Variants in MUC17 observed in about 807,000 individuals in gnomAD.
MUC17 encodes mucin-17.
In MUC17, 190 loss-of-function variants were observed where a neutral mutation model predicts 170.3. The ratio of observed to expected loss-of-function variants is 1.12; its 90% confidence interval spans 0.99 to 1.26. MUC17 has a LOEUF of 1.26. Among genes scored for constraint, MUC17 ranks in the 50% most tolerant of loss-of-function variants. The pLI, the probability that MUC17 is intolerant of heterozygous loss-of-function variation, is 0.00. For synonymous variants in MUC17, 2,325 were observed against 2,002.5 expected, an observed-to-expected ratio of 1.16 and a Z score of -4.30; for missense variants, 6,415 against 5,530.0, an observed-to-expected ratio of 1.16 and a Z score of -5.08.
In MUC17 at chr7:101,038,401, C is replaced by G; in HGVS notation, c.6985C>G (p.Pro2329Ala). The part of the protein sequence containing the change: ...PPPTAEGTSM[P>A]TSTSSEGNTP... ...TCCCACTGCTGAAGGTACCAGCATG[C>G]CAACCTCAACTTCTAGTGAAGGAAA... The change falls in exon 3 of 13, where the codon CCA (proline) becomes GCA (alanine). Residue 2329 changes from proline to alanine, a missense_variant. Physicochemically the swap from Pro to Ala is conservative, Grantham distance 27 (BLOSUM62 -1). Coordinates refer to ENST00000306151, the MANE Select transcript of MUC17 (RefSeq NM_001040105.2). The G allele has an allele frequency of 1.2e-6, 2 of 1,614,076 alleles. No homozygotes were observed. The highest frequency in any genetic ancestry group is 1.7e-6 in the Non-Finnish European group (2 of 1,180,018).
intron 11 of MUC17, 62 bp downstream of exon 11, chr7:101,053,498 G>A: frequency 7.5e-7 from 1 of 1,333,050 alleles, no homozygotes; most frequent in Non-Finnish European, 1.1e-6. Context: ...TGGGTGCGGT[G>A]GGCTCACATC....
intron 3 of MUC17, among the ~76,000 whole-genome samples, chr7:101,045,017 C>CA (rs1253668246): frequency 5.3e-5 from 8 of 152,288 alleles, no homozygotes; most frequent in African/African-American, 1.7e-4. Flanking sequence ...CAAGAACTTT[C>CA]ACTCAGCCTT....
rs760437174 is a variant in MUC17, at chr7:101,040,788, C to A, written c.9372C>A (p.Thr3124=). The change falls in exon 3 of 13, where the codon ACC becomes ACA. Residue 3124 remains threonine (T), a synonymous_variant. Coordinates refer to ENST00000306151, the MANE Select transcript of MUC17 (RefSeq NM_001040105.2). ...TTPVTSSAIS[T]LSTTPVDTST... ...CGGTGACCAGTTCTGCAATCAGCAC[C>A]CTTTCAACAACTCCTGTTGACACCA... 4 of 1,613,198 alleles carry A rather than the reference C, an allele frequency of 2.5e-6. No homozygotes were observed. The highest frequency in any genetic ancestry group is 3.4e-6 in the Non-Finnish European group (4 of 1,179,644).
At position 101,042,856 on chromosome 7, in the gene MUC17, A is replaced by T; in HGVS notation, c.11440A>T (p.Thr3814Ser). 1 of 1,614,128 alleles carries T rather than the reference A, an allele frequency of 6.2e-7. No individual in the cohort carries two copies. The change falls in exon 3 of 13, where the codon ACT becomes TCT. Residue 3814 changes from threonine to serine, a missense_variant. Physicochemically the swap from Thr to Ser is moderately conservative, Grantham distance 58 (BLOSUM62 1). Coordinates refer to ENST00000306151, the MANE Select transcript of MUC17 (RefSeq NM_001040105.2). ...TATGTCAACTACGAGTGAAAGAAGCACTTTATTGACAACTGTCCTCATCAG... is the reference window on the plus strand; with the variant it reads ...TATGTCAACTACGAGTGAAAGAAGCTCTTTATTGACAACTGTCCTCATCAG... ...MPMSTTSERS[T>S]LLTTVLISPI... is the part of the protein sequence containing the mutation.
rs750634422 is a variant in MUC17, at chr7:101,032,010, T to C, written c.594T>C (p.Pro198=). The part of the protein sequence containing the change: ...LTTSTQASSS[P]TTPESTTIPK... Reference sequence around the variant, plus strand: ...CTTCTACTCAGGCAAGTTCATCTCCTACTACTCCTGAAAGCACCACCATAC... The same window carrying C: ...CTTCTACTCAGGCAAGTTCATCTCCCACTACTCCTGAAAGCACCACCATAC... The change falls in exon 3 of 13, where the codon CCT becomes CCC. Residue 198 remains proline (P), a synonymous_variant. Transcript: ENST00000306151. The C allele has an allele frequency of 3.1e-6, 5 of 1,614,232 alleles. No homozygotes were observed. In the South Asian group the frequency reaches 5.5e-5, roughly 18 times the overall value.
rs1365778570 is a variant in MUC17, at chr7:101,038,750, G to C, written c.7334G>C (p.Ser2445Thr). 6 of 1,609,292 alleles carry C rather than the reference G, an allele frequency of 3.7e-6. No individual in the cohort carries two copies. The highest frequency in any genetic ancestry group is 2.2e-5 in the East Asian group (1 of 44,742). Residue 2445 changes from serine (S) to threonine (T), a missense_variant, in exon 3 of 13, where the codon AGC (serine) becomes ACC (threonine). By Grantham distance (58) the Ser-to-Thr change is moderately conservative. Transcript: ENST00000306151. ...SSSPTTAEGT[S>T]IPTSPPSEGT... ...TCTCCTACAACTGCTGAAGGTACCA[G>C]CATACCAACCTCACCTCCTAGTGAA...
Position 101,040,496 on chromosome 7 carries a change from C to G in MUC17, c.9080C>G (p.Ser3027Cys), listed in dbSNP as rs753156933. The change falls in exon 3 of 13, where the codon TCT becomes TGT. Residue 3027 changes from serine to cysteine, a missense_variant. By Grantham distance (112) the Ser-to-Cys change is moderately radical (BLOSUM62 -1). Coordinates refer to ENST00000306151, the MANE Select transcript of MUC17 (RefSeq NM_001040105.2). ...PVTTSTEASS[S>C]PTTAEGTGIP... ...ACCACTTCTACTGAAGCCAGTTCCT[C>G]TCCTACAACTGCTGAAGGTACCGGC... 1 of 1,611,956 alleles carries G rather than the reference C, an allele frequency of 6.2e-7. No homozygotes were observed. The highest frequency in any genetic ancestry group is 2.2e-5 in the East Asian group (1 of 44,748).
Position 101,040,641 on chromosome 7 carries a change from T to C in MUC17, c.9225T>C (p.Ser3075=). 3.1e-6 allele frequency: 5 copies of C among 1,608,972 alleles called. No homozygotes were observed. The highest frequency in any genetic ancestry group is 4.2e-6 in the Non-Finnish European group (5 of 1,178,074). Residue 3075 remains serine (S), a synonymous_variant, in exon 3 of 13, where the codon AGT becomes AGC. Coordinates refer to ENST00000306151, the MANE Select transcript of MUC17 (RefSeq NM_001040105.2). ...TLSTTPVDSN[S]PVVTSTEVSS... is the part of the protein sequence containing the mutation. Reference sequence around the variant, plus strand: ...CAACAACTCCTGTTGACTCCAACAGTCCTGTGGTCACTTCTACTGAAGTCA... The same window carrying C: ...CAACAACTCCTGTTGACTCCAACAGCCCTGTGGTCACTTCTACTGAAGTCA...
In MUC17 at chr7:101,037,607, T is replaced by C. The variant is rs1158172048; in HGVS notation, c.6191T>C (p.Leu2064Pro). 2 of 1,613,976 alleles carry C rather than the reference T, an allele frequency of 1.2e-6. No individual in the cohort carries two copies. Among genetic ancestry groups the C allele is most frequent in the East Asian group, 4.5e-5 (2 of 44,862 alleles). ...TLVVSSEGNT[L>P]STTPVDSKTQ... ...GTGGTCAGTTCTGAGGGTAACACCC[T>C]TTCAACAACTCCTGTTGACTCCAAA... The change falls in exon 3 of 13, where the codon CTT becomes CCT. Residue 2064 changes from leucine (L) to proline (P), a missense_variant. Leu to Pro is a moderately conservative substitution (Grantham distance 98). Coordinates refer to ENST00000306151, the MANE Select transcript of MUC17 (RefSeq NM_001040105.2).
chr7:101,020,477 C>T lies in MUC17; in HGVS notation c.82+260C>T, dbSNP rs140850233. Among the ~76,000 whole-genome samples, 661 of 152,160 alleles carry T rather than the reference C, an allele frequency of 4.3e-3. 4 individuals are homozygous for T. Among genetic ancestry groups the T allele is most frequent in the African/African-American group, 0.015 (636 of 41,506 alleles). On this transcript the variant is annotated intron_variant, in intron 1 of 12. Coordinates refer to ENST00000306151, the MANE Select transcript of MUC17 (RefSeq NM_001040105.2). ...CCCTTCCGAGCCTCAGTCTCCCCTCCGGAAAGTAAGAATAATAACACCTGC... is the reference window on the plus strand; with the variant it reads ...CCCTTCCGAGCCTCAGTCTCCCCTCTGGAAAGTAAGAATAATAACACCTGC...
In MUC17 at chr7:101,042,721, C is replaced by T. The variant is rs1459023224; in HGVS notation, c.11305C>T (p.Pro3769Ser). The T allele has an allele frequency of 6.2e-7, 1 of 1,613,814 alleles. No individual in the cohort carries two copies. The highest frequency in any genetic ancestry group is 8.5e-7 in the Non-Finnish European group (1 of 1,180,030). The part of the protein sequence containing the change: ...LVSTTPVTRF[P>S]ESSTPSIPSV... Reference sequence around the variant, plus strand: ...CAGTACCACACCTGTTACGAGGTTTCCTGAGAGTAGCACCCCTTCCATACC... The same window carrying T: ...CAGTACCACACCTGTTACGAGGTTTTCTGAGAGTAGCACCCCTTCCATACC... The change falls in exon 3 of 13, where the codon CCT becomes TCT. Residue 3769 changes from proline to serine, a missense_variant. Pro to Ser is a moderately conservative substitution (Grantham distance 74). Transcript: ENST00000306151.
At chr7:101,031,570 T>C (rs781037353) in intron 2 of MUC17, 31 bp from the exon 3 acceptor site, 1 of 1,510,886 alleles carries the variant, frequency 6.6e-7, no homozygotes, top group Admixed American at 2.3e-5. Flanking sequence ...CTAAGAAACT[T>C]CTAAACAAAA....
rs749645827 is a variant in MUC17 at position 101,034,164 on chromosome 7, C to A, written c.2748C>A (p.Thr916=). ...PTTSEGTSMP[T]STPGEGSTPL... ...CTTCTGAAGGTACCAGCATGCCAACCTCAACTCCTGGGGAAGGAAGCACTC... is the reference window on the plus strand; with the variant it reads ...CTTCTGAAGGTACCAGCATGCCAACATCAACTCCTGGGGAAGGAAGCACTC... Residue 916 remains threonine, a synonymous_variant, in exon 3 of 13, where the codon ACC becomes ACA. Coordinates refer to ENST00000306151, the MANE Select transcript of MUC17 (RefSeq NM_001040105.2). 1.3e-6 allele frequency: 2 copies of A among 1,584,438 alleles called. No homozygotes were observed. The highest frequency in any genetic ancestry group is 8.6e-7 in the Non-Finnish European group (1 of 1,164,038).
At position 101,041,736 on chromosome 7, in the gene MUC17, T is replaced by C. The variant is rs1794711202; in HGVS notation, c.10320T>C (p.Pro3440=). The change falls in exon 3 of 13, where the codon CCT becomes CCC. Residue 3440 remains proline (P), a synonymous_variant. Coordinates refer to ENST00000306151, the MANE Select transcript of MUC17 (RefSeq NM_001040105.2). ...VTTSTEASSS[P]TIAEGTSLPT... The stretch of plus-strand genomic sequence containing the variant: ...CTTCTACTGAAGCCAGTTCATCTCC[T>C]ACAATCGCTGAAGGTACCAGCTTGC... 5 of 1,613,530 alleles carry C rather than the reference T, an allele frequency of 3.1e-6. No individual in the cohort carries two copies. The East Asian group carries it at 1.1e-4, about 36-fold the overall frequency.
At position 101,036,986 on chromosome 7, in the gene MUC17, T is replaced by C. The variant is rs1794505727; in HGVS notation, c.5570T>C (p.Ile1857Thr). The change falls in exon 3 of 13, where the codon ATA (isoleucine) becomes ACA (threonine). Residue 1857 changes from isoleucine (I) to threonine (T), a missense_variant. Coordinates refer to ENST00000306151, the MANE Select transcript of MUC17 (RefSeq NM_001040105.2). ...SSPTPAEGTS[I>T]ATSTPSEGST... ...CCTACACCTGCTGAAGGTACCAGCA[T>C]AGCAACCTCAACGCCTAGTGAAGGA... 3 of 1,584,028 alleles carry C rather than the reference T, an allele frequency of 1.9e-6. No homozygotes were observed. Among genetic ancestry groups the C allele is most frequent in the Non-Finnish European group, 2.5e-6 (3 of 1,179,082 alleles).
intron 1 of MUC17, among the ~76,000 whole-genome samples, chr7:101,021,252 G>A (rs1417837062): frequency 7.6e-6 from 1 of 132,000 alleles, no homozygotes; most frequent in Admixed American, 9.0e-5. Context: ...GTAGCGTGAT[G>A]TCAGCCCACT....
At chr7:101,046,006 T>C (rs1355686578) in intron 3 of MUC17, among the ~76,000 whole-genome samples, 1 of 152,222 alleles carries the variant, frequency 6.6e-6, no homozygotes, top group African/African-American at 2.4e-5. Context: ...GCTTCTGTTG[T>C]TTCTGACTAG....
rs1378367705 is a variant in MUC17, at chr7:101,036,671, C to T, written c.5255C>T (p.Thr1752Ile). The T allele has an allele frequency of 8.7e-6, 14 of 1,613,228 alleles. No individual in the cohort carries two copies. Among genetic ancestry groups the T allele is most frequent in the Admixed American group, 1.7e-5 (1 of 59,936 alleles). The change falls in exon 3 of 13, where the codon ACA becomes ATA. Residue 1752 changes from threonine (T) to isoleucine (I), a missense_variant. Physicochemically the swap from Thr to Ile is moderately conservative, Grantham distance 89. Transcript: ENST00000306151. ...STPSEGTTPL[T>I]SIPVSTTPVL... ...CCTAGTGAAGGAACCACTCCATTAA[C>T]AAGTATACCTGTCAGCACCACGCCG...
chr7:101,039,122 A>G lies in MUC17; in HGVS notation c.7706A>G (p.Tyr2569Cys). ...AEGTSMPTST[Y>C]SEGSTPLRSM... ...GGTACCAGCATGCCTACCTCAACTT[A>G]TAGTGAAGGAAGCACTCCATTAAGA... is the stretch of plus-strand genomic sequence containing the variant. Residue 2569 changes from tyrosine (Y) to cysteine (C), a missense_variant, in exon 3 of 13, where the codon TAT (tyrosine) becomes TGT (cysteine). By Grantham distance (194) the Tyr-to-Cys change is radical. Coordinates refer to ENST00000306151, the MANE Select transcript of MUC17 (RefSeq NM_001040105.2). 1 of 1,605,898 alleles carries G rather than the reference A, an allele frequency of 6.2e-7. No individual in the cohort carries two copies.
Sources: gnomAD v4.1 joint callset for allele counts (sites outside exome capture counted in the v4.1 genomes callset) on GRCh38, gnomAD v4.1.1 for gene constraint, MANE v1.5 for transcripts, NCBI Gene and HGNC (gene_info 2026-07-23, HGNC 2026-07-21) for gene names.